The following GPT variants were observed in gnomAD, a reference collection of about 807,000 sequenced individuals.
GPT encodes the protein glutamic--pyruvic transaminase.
Under a neutral mutation model 51.4 loss-of-function variants are expected in GPT, and 60 were observed. The observed-to-expected ratio is 1.17, with a 90% CI of 0.95 to 1.45. GPT has a LOEUF of 1.45. Among genes scored for constraint, GPT ranks in the 40% most tolerant of loss-of-function variants. GPT has a pLI of 0.00. For missense variants in GPT, 853 were observed against 704.0 expected (o/e 1.21, Z -2.40); for synonymous variants, 397 against 303.1 (o/e 1.31, Z -3.22).
At position 144,504,426 on chromosome 8, in the gene GPT, T is replaced by C. The variant is rs1195460718; in HGVS notation, c.122T>C (p.Ile41Thr). The C allele has an allele frequency of 6.2e-7, 1 of 1,611,004 alleles. No individual in the cohort carries two copies. Among genetic ancestry groups the C allele is most frequent in the Non-Finnish European group, 8.5e-7 (1 of 1,179,916 alleles). Reference sequence around the variant, plus strand: ...GTGGAGTACGCAGTGCGTGGCCCCATAGTGCAGCGAGCCTTGGAGCTGGAG... The same window carrying C: ...GTGGAGTACGCAGTGCGTGGCCCCACAGTGCAGCGAGCCTTGGAGCTGGAG... ...RRVEYAVRGP[I>T]VQRALELEQE... Residue 41 changes from isoleucine (I) to threonine (T), a missense_variant, in exon 1 of 11, where the codon ATA becomes ACA. Coordinates refer to ENST00000394955, the MANE Select transcript of GPT (RefSeq NM_005309.3).
At chr8:144,503,919 T>G, upstream of GPT, 2 of 287,426 alleles carry the variant, frequency 7.0e-6, no homozygotes, top group African/African-American at 2.2e-5. Context: ...CCTCCCCCCA[T>G]GTCTAGTCCC....
At chr8:144,504,085 C>T (rs544229245), upstream of GPT, 71 of 605,772 alleles carry the variant, frequency 1.2e-4, no homozygotes, top group Middle Eastern at 4.5e-4. Context: ...TGTTCCCAGA[C>T]GGGTGGGGCG....
At chr8:144,503,244 G>C (rs977354621), upstream of GPT, 2 of 152,184 alleles carry the variant, frequency 1.3e-5, no homozygotes, top group Non-Finnish European at 2.9e-5. Flanking sequence ...CTGCTCAGAG[G>C]GCCGGCTCCC....
chr8:144,506,004 G>C lies in GPT; in HGVS notation c.829G>C (p.Asp277His), dbSNP rs1336666773. 6.2e-7 allele frequency: 1 copy of C among 1,612,402 alleles called. No individual in the cohort carries two copies. Among genetic ancestry groups the C allele is most frequent in the South Asian group, 1.1e-5 (1 of 91,084 alleles). Residue 277 changes from aspartate to histidine, a missense_variant, in exon 7 of 11, where the codon GAC (aspartate) becomes CAC (histidine). Physicochemically the swap from Asp to His is moderately conservative, Grantham distance 81. Coordinates refer to ENST00000394955, the MANE Select transcript of GPT (RefSeq NM_005309.3). This position sits in a 1 kb window ranked among gnomAD's most constrained non-coding sequence, Gnocchi z 7.0. Reference sequence around the variant, plus strand: ...CCTTGCGCCCTTCCAGGTGTACCAGGACAACGTGTACGCCGCGGGTTCGCA... The same window carrying C: ...CCTTGCGCCCTTCCAGGTGTACCAGCACAACGTGTACGCCGCGGGTTCGCA... ...LFLLADEVYQ[D>H]NVYAAGSQFH...
At chr8:144,504,570 C>T (rs765379936) in intron 1 of GPT, 34 bp from the exon 2 acceptor site, 27 of 1,605,872 alleles carry the variant, frequency 1.7e-5, no homozygotes, top group Non-Finnish European at 2.2e-5. Flanking sequence ...TTAGGTAGGG[C>T]ACAGTCTCCC....
rs768873942 is a variant in GPT, at chr8:144,504,379, C to T, written c.75C>T (p.Gly25=). Reference sequence around the variant, plus strand: ...GGGCGAAGGTGCTGACGCTGGACGGCATGAACCCGCGTGTGCGGAGAGTGG... The same window carrying T: ...GGGCGAAGGTGCTGACGCTGGACGGTATGAACCCGCGTGTGCGGAGAGTGG... The part of the protein sequence containing the change: ...GLRAKVLTLD[G]MNPRVRRVEY... Residue 25 remains glycine, a synonymous_variant, in exon 1 of 11, where the codon GGC becomes GGT. Coordinates refer to ENST00000394955, the MANE Select transcript of GPT (RefSeq NM_005309.3). The T allele has an allele frequency of 3.7e-6, 6 of 1,611,758 alleles. No homozygotes were observed. The highest frequency in any genetic ancestry group is 4.2e-6 in the Non-Finnish European group (5 of 1,179,938).
Position 144,505,290 on chromosome 8 carries a change from G to T in GPT, c.540G>T (p.Thr180=). 1 of 1,579,090 alleles carries T rather than the reference G, an allele frequency of 6.3e-7. No homozygotes were observed. Among genetic ancestry groups the T allele is most frequent in the Non-Finnish European group, 8.6e-7 (1 of 1,163,058 alleles). The change falls in exon 5 of 11, where the codon ACG becomes ACT. Residue 180 remains threonine, a synonymous_variant. Transcript: ENST00000394955. ...TGGCCGGCGAGGGCCACACACGCAC[G>T]GGTGTGCTCATCCCCATCCCCCAGT... The part of the protein sequence containing the change: ...LLVAGEGHTR[T]GVLIPIPQYP...
In GPT at chr8:144,506,082, C is replaced by G. The variant is rs777095348; in HGVS notation, c.907C>G (p.Gln303Glu). Residue 303 changes from glutamine to glutamate, a missense_variant, in exon 7 of 11, where the codon CAG becomes GAG. Coordinates refer to ENST00000394955, the MANE Select transcript of GPT (RefSeq NM_005309.3). This position sits in a 1 kb window ranked among gnomAD's most constrained non-coding sequence, Gnocchi z 7.0. ...GGAGATGGGGCCGCCCTACGCCGGG[C>G]AGCAGGAGCTTGCCTCCTTCCACTC... ...LMEMGPPYAG[Q>E]QELASFHSTS... is the part of the protein sequence containing the mutation. 3.1e-6 allele frequency: 5 copies of G among 1,612,252 alleles called. No individual in the cohort carries two copies. The Admixed American group carries it at 5.0e-5, about 16-fold the overall frequency.
chr8:144,503,260 C>A (rs544184414), upstream of GPT: 13 of 152,304 alleles, frequency 8.5e-5, no homozygotes, highest in African/African-American at 3.1e-4. Flanking sequence ...CTCCCTGACC[C>A]CCATGGTTCA....
In GPT at chr8:144,506,483, C is replaced by G. The variant is rs1284122565; in HGVS notation, c.1132-18C>G. 2.5e-6 allele frequency: 4 copies of G among 1,590,212 alleles called. No individual in the cohort carries two copies. Among genetic ancestry groups the G allele is most frequent in the Non-Finnish European group, 3.4e-6 (4 of 1,169,734 alleles). On this transcript the variant is annotated intron_variant, in intron 8 of 10. Coordinates refer to ENST00000394955, the MANE Select transcript of GPT (RefSeq NM_005309.3). This position sits in a 1 kb window ranked among gnomAD's most constrained non-coding sequence, Gnocchi z 7.0. ...GCCGAGTGCCGTGCCCTGATGGGCCCTCCCTCCGCGGCCACAGGAGAAGCA... is the reference window on the plus strand; with the variant it reads ...GCCGAGTGCCGTGCCCTGATGGGCCGTCCCTCCGCGGCCACAGGAGAAGCA...
rs1327187788 is a variant in GPT at position 144,504,455 on chromosome 8, G to A, written c.151G>A (p.Glu51Lys). ...GCAGCGAGCCTTGGAGCTGGAGCAG[G>A]AGCTGCGCCAGGTATGGCCCAGGGC... is the stretch of plus-strand genomic sequence containing the variant. ...IVQRALELEQELRQGVKKPFT... is the reference protein window; with the variant it reads ...IVQRALELEQKLRQGVKKPFT... The change falls in exon 1 of 11, where the codon GAG becomes AAG. Residue 51 changes from glutamate (E) to lysine (K), a missense_variant. By Grantham distance (56) the Glu-to-Lys change is moderately conservative. Coordinates refer to ENST00000394955, the MANE Select transcript of GPT (RefSeq NM_005309.3). The A allele has an allele frequency of 1.9e-6, 3 of 1,609,858 alleles. No individual in the cohort carries two copies. Among genetic ancestry groups the A allele is most frequent in the Non-Finnish European group, 2.5e-6 (3 of 1,179,718 alleles).
Position 144,506,741 on chromosome 8 carries a change from TG to T in GPT, c.1300del (p.Ala434ProfsTer35). ...GCTCTCCGTCCACAGGAGCTGGGCCTGGCCCCCGATATGTTCTTCTGCCTGC... is the reference window on the plus strand; with the variant it reads ...GCTCTCCGTCCACAGGAGCTGGGCCTGCCCCCGATATGTTCTTCTGCCTGC... ...RAVERAQELG[L>X]APDMFFCLRL... On this transcript the variant is annotated frameshift_variant, in exon 10 of 11. Transcript: ENST00000394955. LOFTEE classifies it high-confidence loss of function. This position sits in a 1 kb window ranked among gnomAD's most constrained non-coding sequence, Gnocchi z 7.0. The T allele has an allele frequency of 2.5e-6, 4 of 1,611,510 alleles. No homozygotes were observed. Among genetic ancestry groups the T allele is most frequent in the Non-Finnish European group, 3.4e-6 (4 of 1,179,792 alleles).
chr8:144,506,815 G>A lies in GPT; in HGVS notation c.1372G>A (p.Gly458Arg). Residue 458 changes from glycine to arginine, a missense_variant, in exon 10 of 11, where the codon GGG becomes AGG. Transcript: ENST00000394955. This position sits in a 1 kb window ranked among gnomAD's most constrained non-coding sequence, Gnocchi z 7.0. The stretch of plus-strand genomic sequence containing the variant: ...CTGCGTGGTGCCAGGGAGCGGCTTT[G>A]GGCAGCGGGAAGGCACCTACCACTT... The part of the protein sequence containing the change: ...GICVVPGSGF[G>R]QREGTYHFRM... 1 of 1,612,756 alleles carries A rather than the reference G, an allele frequency of 6.2e-7. No homozygotes were observed.
Position 144,506,679 on chromosome 8 carries a change from G to T in GPT, c.1287+23G>T. 6.3e-7 allele frequency: 1 copy of T among 1,575,832 alleles called. No homozygotes were observed. The highest frequency in any genetic ancestry group is 2.3e-5 in the East Asian group (1 of 43,442). On this transcript the variant is annotated intron_variant, in intron 9 of 10. Transcript: ENST00000394955. This position sits in a 1 kb window ranked among gnomAD's most constrained non-coding sequence, Gnocchi z 7.0. ...CAGGTCAGGCGGGGGCGGGGCCTGC[G>T]GGGTGGGCAGGGGGGGCCGGGCATC...
rs1335232427 is a variant in GPT at position 144,504,656 on chromosome 8, A to G, written c.215A>G (p.Gln72Arg). Residue 72 changes from glutamine (Q) to arginine (R), a missense_variant, in exon 2 of 11, where the codon CAG becomes CGG. Physicochemically the swap from Gln to Arg is conservative, Grantham distance 43 (BLOSUM62 1). Coordinates refer to ENST00000394955, the MANE Select transcript of GPT (RefSeq NM_005309.3). ...EVIRANIGDAQAMGQRPITFL... is the reference protein window; with the variant it reads ...EVIRANIGDARAMGQRPITFL... ...ATCCGTGCCAACATCGGGGACGCACAGGCTATGGGGCAGAGGCCCATCACC... is the reference window on the plus strand; with the variant it reads ...ATCCGTGCCAACATCGGGGACGCACGGGCTATGGGGCAGAGGCCCATCACC... The G allele has an allele frequency of 6.2e-7, 1 of 1,613,322 alleles. No homozygotes were observed. The highest frequency in any genetic ancestry group is 1.3e-5 in the African/African-American group (1 of 75,060).
chr8:144,505,804 G>A (rs770229545), intron 5 of GPT, 44 bp from the exon 6 acceptor site: 26 of 1,527,768 alleles, frequency 1.7e-5, no homozygotes, highest in South Asian at 3.6e-5. Context: ...AGGGCAGTGC[G>A]CCCCCTTGGC....
Position 144,504,312 on chromosome 8 carries a change from C to A in GPT, c.8C>A (p.Ser3Ter). The A allele has an allele frequency of 6.2e-7, 1 of 1,608,904 alleles. No homozygotes were observed. MA[S>*]STGDRSQAVR... is the part of the protein sequence containing the mutation. Reference sequence around the variant, plus strand: ...CCTGGTCTGGGTAGAGTCATGGCCTCGAGCACAGGTGACCGGAGCCAGGCG... The same window carrying A: ...CCTGGTCTGGGTAGAGTCATGGCCTAGAGCACAGGTGACCGGAGCCAGGCG... The change falls in exon 1 of 11, where the codon TCG becomes TAG. Residue 3 changes from serine to a stop codon, truncating the protein, a stop_gained. Transcript: ENST00000394955. LOFTEE classifies it high-confidence loss of function.
upstream of GPT, chr8:144,503,265 G>A (rs1826620969): frequency 6.6e-6 from 1 of 152,212 alleles, no homozygotes. Flanking sequence ...TGACCCCCAT[G>A]GTTCAGGTTT....
chr8:144,505,045 G>A lies in GPT; in HGVS notation c.409G>A (p.Ala137Thr). The A allele has an allele frequency of 6.2e-7, 1 of 1,613,164 alleles. No homozygotes were observed. Among genetic ancestry groups the A allele is most frequent in the Non-Finnish European group, 8.5e-7 (1 of 1,180,002 alleles). ...CATCCAGCTGATCCGGGAGGACGTG[G>A]CGCGGTACATTGAGAGGCGTGACGG... ...SGIQLIREDVARYIERRDGGI... is the reference protein window; with the variant it reads ...SGIQLIREDVTRYIERRDGGI... The change falls in exon 4 of 11, where the codon GCG (alanine) becomes ACG (threonine). Residue 137 changes from alanine (A) to threonine (T), a missense_variant. Coordinates refer to ENST00000394955, the MANE Select transcript of GPT (RefSeq NM_005309.3).
Sources: gnomAD v4.1 joint callset for allele counts on GRCh38, gnomAD v4.1.1 for gene constraint, Gnocchi (gnomAD v3.1) non-coding constraint, MANE v1.5 for transcripts, NCBI Gene and HGNC (gene_info 2026-07-23, HGNC 2026-07-21) for gene names.